LRCH1: variants seen among roughly 807,000 people sequenced by gnomAD.
LRCH1 encodes the protein leucine rich repeats and calponin homology domain containing 1.
A neutral mutation model predicts 94.9 loss-of-function variants in LRCH1; 23 were observed. That is an observed-to-expected ratio of 0.24 (90% CI 0.17 to 0.34). The LOEUF (loss-of-function observed/expected upper bound fraction) is 0.34, where lower values mean the gene tolerates loss of function less well. Among genes scored for constraint, LRCH1 ranks in the 10% least tolerant of loss-of-function variants. The pLI, the probability that LRCH1 is intolerant of heterozygous loss-of-function variation, is 1.00. For synonymous variants in LRCH1, 364 were observed against 354.9 expected (o/e 1.03, Z -0.29); for missense variants, 790 against 945.9 (o/e 0.84, Z 2.16).
intron 2 of LRCH1, among the ~76,000 whole-genome samples, chr13:46,666,032 T>G (rs1230526880): frequency 6.6e-6 from 1 of 152,150 alleles, no homozygotes; most frequent in Non-Finnish European, 1.5e-5. Context: ...GAACATCCTG[T>G]GATAAAATAT....
Position 46,652,105 on chromosome 13 carries a change from C to G in LRCH1, c.452+1760C>G, listed in dbSNP as rs1481960100. 2.2e-5 allele frequency among the ~76,000 whole-genome samples: 3 copies of G among 135,896 alleles called. No homozygotes were observed. The East Asian group carries it at 6.5e-4, about 29-fold the overall frequency. The allele number at this position is 135,896 out of a possible 152,430, so 89.2% of individuals were successfully genotyped here. On this transcript the variant is annotated intron_variant, in intron 2 of 19. Transcript: ENST00000389797. ...TGTTTTGTTTGTTTTGAGACGGAGT[C>G]TTGCTCTGTCGCCCAGGCTGGAGTG...
chr13:46,655,470 T>C (rs1300027409), intron 2 of LRCH1, among the ~76,000 whole-genome samples: 5 of 152,202 alleles, frequency 3.3e-5, no homozygotes, highest in Admixed American at 3.3e-4. Flanking sequence ...CAACAAAAGG[T>C]TATGTTAGTT....
chr13:46,655,011 A>G (rs2051352627), intron 2 of LRCH1, among the ~76,000 whole-genome samples: 1 of 152,238 alleles, frequency 6.6e-6, no homozygotes, highest in East Asian at 1.9e-4. Flanking sequence ...ATTCCAAAGT[A>G]GGAAGATGCC....
At chr13:46,621,521 G>T (rs2050879583) in intron 1 of LRCH1, among the ~76,000 whole-genome samples, 1 of 152,172 alleles carries the variant, frequency 6.6e-6, no homozygotes, top group African/African-American at 2.4e-5. Context: ...TGGGTTAATT[G>T]CAGTGGCATT....
At position 46,687,989 on chromosome 13, in the gene LRCH1, GC is replaced by G. The variant is rs1421715497; in HGVS notation, c.950+13del. The G allele has an allele frequency of 2.5e-6, 4 of 1,600,664 alleles. No individual in the cohort carries two copies. Among genetic ancestry groups the G allele is most frequent in the Non-Finnish European group, 3.4e-6 (4 of 1,173,652 alleles). ...AGCACGTGGAAGATGGGTGAGTCAT[GC>G]CCTCATTCAAAGCCCCAGTTTAAAA... On this transcript the variant is annotated intron_variant, in intron 6 of 19. Coordinates refer to ENST00000389797, the MANE Select transcript of LRCH1 (RefSeq NM_001164211.2).
chr13:46,696,905 CA>C (rs1184069078), intron 9 of LRCH1, among the ~76,000 whole-genome samples: 1 of 151,906 alleles, frequency 6.6e-6, no homozygotes, highest in Admixed American at 6.6e-5. Flanking sequence ...TCCATCTCTA[CA>C]AAAAAACAAA....
chr13:46,689,942 G>A (rs1372497013), intron 7 of LRCH1, among the ~76,000 whole-genome samples: 2 of 152,068 alleles, frequency 1.3e-5, no homozygotes, highest in Non-Finnish European at 2.9e-5. Context: ...AGTATCAGGT[G>A]CTCTTCTTTT....
In LRCH1 at chr13:46,657,692, A is replaced by AT. The variant is rs55823488; in HGVS notation, c.452+7363dup. Among the ~76,000 whole-genome samples the AT allele has an allele frequency of 1.5e-3, 69 of 46,916 alleles. 10 individuals are homozygous for AT. Among genetic ancestry groups the AT allele is most frequent in the East Asian group, 9.1e-3 (10 of 1,098 alleles). The allele number at this position is 46,916 out of a possible 152,430, so 30.8% of individuals were successfully genotyped here. Reference sequence around the variant, plus strand: ...AGACGTGCGCCACCATGCCCAGCTAATTTTTTTTTTTTTTTTGGTAGAGAT... The same window carrying AT: ...AGACGTGCGCCACCATGCCCAGCTAATTTTTTTTTTTTTTTTTGGTAGAGAT... On this transcript the variant is annotated intron_variant, in intron 2 of 19. Transcript: ENST00000389797.
chr13:46,660,000 A>AG (rs2138098485), intron 2 of LRCH1, among the ~76,000 whole-genome samples: 1 of 148,968 alleles, frequency 6.7e-6, no homozygotes, highest in Admixed American at 6.7e-5. Context: ...AGATCGGTAA[A>AG]GGAAGTCTCA....
chr13:46,597,367 T>A (rs948134778), intron 1 of LRCH1, among the ~76,000 whole-genome samples: 6 of 152,124 alleles, frequency 3.9e-5, no homozygotes, highest in African/African-American at 1.4e-4. Context: ...AGGACTTTTT[T>A]TTTTTTTAGA....
intron 1 of LRCH1, among the ~76,000 whole-genome samples, chr13:46,564,503 C>G (rs9562670): frequency 1.3e-5 from 2 of 151,782 alleles, no homozygotes; most frequent in East Asian, 3.9e-4. Flanking sequence ...GGCCAGGGGT[C>G]GGAGGTTCCC....
Position 46,562,235 on chromosome 13 carries a change from T to C in LRCH1, c.307+8532T>C, listed in dbSNP as rs536856996. Reference sequence around the variant, plus strand: ...TTCTCACATAGCCTCTTTTTACTTCTCAGTGTCATCCACTGTATTAGTCTG... The same window carrying C: ...TTCTCACATAGCCTCTTTTTACTTCCCAGTGTCATCCACTGTATTAGTCTG... On this transcript the variant is annotated intron_variant, in intron 1 of 19. Coordinates refer to ENST00000389797, the MANE Select transcript of LRCH1 (RefSeq NM_001164211.2). Among the ~76,000 whole-genome samples, 592 of 152,332 alleles carry C rather than the reference T, an allele frequency of 3.9e-3. 4 individuals are homozygous for C. The highest frequency in any genetic ancestry group is 0.026 in the South Asian group (126 of 4,824).
intron 13 of LRCH1, among the ~76,000 whole-genome samples, chr13:46,710,257 G>A (rs1216750198): frequency 4.6e-5 from 7 of 152,242 alleles, no homozygotes; most frequent in Admixed American, 4.6e-4. Flanking sequence ...AGTTTAAGGA[G>A]AGGAAAGTAA....
chr13:46,714,367 A>T (rs1053474034), intron 15 of LRCH1, among the ~76,000 whole-genome samples: 3 of 152,202 alleles, frequency 2.0e-5, no homozygotes, highest in African/African-American at 7.2e-5. Flanking sequence ...TTAAAATAGT[A>T]TATATGCTTA....
At chr13:46,555,183 G>C (rs563087061) in intron 1 of LRCH1, among the ~76,000 whole-genome samples, 6 of 152,236 alleles carry the variant, frequency 3.9e-5, no homozygotes, top group Admixed American at 1.3e-4. Context: ...CTTTCAATAA[G>C]ACCTCTTAGT....
chr13:46,732,738 T>G (rs1873171543), intron 18 of LRCH1, among the ~76,000 whole-genome samples: 1 of 152,202 alleles, frequency 6.6e-6, no homozygotes, highest in South Asian at 2.1e-4. Flanking sequence ...GCCAGGTCCA[T>G]GACCCTCTGT....
chr13:46,690,305 C>T (rs932968073), intron 7 of LRCH1, among the ~76,000 whole-genome samples: 3 of 151,998 alleles, frequency 2.0e-5, no homozygotes, highest in East Asian at 1.9e-4. Flanking sequence ...AATAGTTTAC[C>T]GTGCTTCAGT....
At chr13:46,724,355 C>G (rs1165097007) in intron 17 of LRCH1, among the ~76,000 whole-genome samples, 1 of 152,186 alleles carries the variant, frequency 6.6e-6, no homozygotes, top group East Asian at 1.9e-4. Context: ...CATAAATTAT[C>G]ACTACATGCC....
intron 1 of LRCH1, among the ~76,000 whole-genome samples, chr13:46,620,282 T>TCGAGC (rs1347662928): frequency 6.6e-6 from 1 of 151,618 alleles, no homozygotes; most frequent in Non-Finnish European, 1.5e-5. Flanking sequence ...GTAGGATCAC[T>TCGAGC]CGAGCCGAGG....
Sources: allele counts gnomAD v4.1 joint callset (sites outside exome capture counted in the v4.1 genomes callset), GRCh38; gene constraint gnomAD v4.1.1; transcripts MANE v1.5; gene names NCBI Gene and HGNC (gene_info 2026-07-23, HGNC 2026-07-21).